The following SIK2 variants were observed in gnomAD, a reference collection of about 807,000 sequenced individuals.
The protein encoded by SIK2 is salt inducible kinase 2, also known as serine/threonine-protein kinase SIK2.
A neutral mutation model predicts 103.2 loss-of-function variants in SIK2; 29 were observed. The observed-to-expected ratio is 0.28, with a 90% CI of 0.21 to 0.38. The LOEUF (loss-of-function observed/expected upper bound fraction) is 0.38, where lower values mean the gene tolerates loss of function less well. Ranked by LOEUF, SIK2 falls within the 10% of genes least tolerant of loss-of-function variation. The probability of loss-of-function intolerance (pLI) is 1.00; values close to 1 mark genes in which losing one functional copy is unlikely to be tolerated. For synonymous variants in SIK2, 412 were observed against 446.1 expected (o/e 0.92, Z 0.96); for missense variants, 879 against 1,171.0 (o/e 0.75, Z 3.64).
intron 3 of SIK2, among the ~76,000 whole-genome samples, chr11:111,620,758 G>T (rs934679005): frequency 6.6e-6 from 1 of 152,006 alleles, no homozygotes; most frequent in Non-Finnish European, 1.5e-5. Flanking sequence ...TATGTCCCAG[G>T]CATTGTACTA....
intron 1 of SIK2, among the ~76,000 whole-genome samples, chr11:111,605,153 G>T (rs1176669631): frequency 6.6e-6 from 1 of 152,030 alleles, no homozygotes; most frequent in Non-Finnish European, 1.5e-5. Context: ...AGTAGAGACG[G>T]GGTTTCACAG....
At chr11:111,627,827 A>G (rs915898911) in intron 3 of SIK2, among the ~76,000 whole-genome samples, 1 of 152,108 alleles carries the variant, frequency 6.6e-6, no homozygotes, top group Non-Finnish European at 1.5e-5. Flanking sequence ...TGGCCAGCAG[A>G]TCATACTCTG....
chr11:111,696,392 A>G (rs1943071094), intron 4 of SIK2, among the ~76,000 whole-genome samples: 1 of 152,174 alleles, frequency 6.6e-6, no homozygotes, highest in African/African-American at 2.4e-5. Context: ...GGTGAAGGGT[A>G]TGGGGAATTC....
chr11:111,633,104 C>T (rs1942060101), intron 3 of SIK2, among the ~76,000 whole-genome samples: 1 of 152,202 alleles, frequency 6.6e-6, no homozygotes, highest in Non-Finnish European at 1.5e-5. Flanking sequence ...ATCTCTGATT[C>T]AAACTCTGTG....
At chr11:111,611,977 A>T (rs1197163734) in intron 1 of SIK2, among the ~76,000 whole-genome samples, 1 of 152,052 alleles carries the variant, frequency 6.6e-6, no homozygotes, top group Non-Finnish European at 1.5e-5. Context: ...ATCCCCAAAT[A>T]CTTTTTTTTT....
chr11:111,720,661 C>A lies in SIK2; in HGVS notation c.1679C>A (p.Pro560Gln). The A allele has an allele frequency of 6.2e-7, 1 of 1,614,084 alleles. No homozygotes were observed. The highest frequency in any genetic ancestry group is 8.5e-7 in the Non-Finnish European group (1 of 1,180,000). ...SPFISLRPTNPAMQALSSQKR... is the reference protein window; with the variant it reads ...SPFISLRPTNQAMQALSSQKR... ...TTCATAAGCCTGAGACCTACCAACC[C>A]AGCCATGCAGGCTCTGAGCTCCCAG... Residue 560 changes from proline to glutamine, a missense_variant, in exon 11 of 15, where the codon CCA becomes CAA. Physicochemically the swap from Pro to Gln is moderately conservative, Grantham distance 76 (BLOSUM62 -1). Coordinates refer to ENST00000304987, the MANE Select transcript of SIK2 (RefSeq NM_015191.3).
chr11:111,724,327 T>A lies in SIK2; in HGVS notation c.*198T>A. 2 of 712,710 alleles carry A rather than the reference T, an allele frequency of 2.8e-6. No homozygotes were observed. The highest frequency in any genetic ancestry group is 4.5e-6 in the Non-Finnish European group (2 of 445,910). 44.1% of individuals were successfully genotyped at this position (712,710 alleles called of 1,614,324 possible). On this transcript the variant is annotated 3_prime_UTR_variant, in exon 15 of 15. Coordinates refer to ENST00000304987, the MANE Select transcript of SIK2 (RefSeq NM_015191.3). ...TTCTGCCCCACCACAAAGTTTTCTGTGGCAAGTGCTGGAACATAGTTGTAG... is the reference window on the plus strand; with the variant it reads ...TTCTGCCCCACCACAAAGTTTTCTGAGGCAAGTGCTGGAACATAGTTGTAG...
intron 4 of SIK2, among the ~76,000 whole-genome samples, chr11:111,694,797 T>C (rs919969110): frequency 6.6e-6 from 1 of 152,184 alleles, no homozygotes; most frequent in Non-Finnish European, 1.5e-5. Flanking sequence ...TTTGGTTTGA[T>C]TTGATTTTTT....
In SIK2 at chr11:111,730,397, A is replaced by G. The variant is rs796633814; in HGVS notation, c.*6268A>G. On this transcript the variant is annotated 3_prime_UTR_variant, in exon 15 of 15. Transcript: ENST00000304987. ...CACCAAAATCTCTGAAGGGGAAAGA[A>G]GTGGAGAGAAAGGTTTGCTTCACTT... The G allele has an allele frequency of 1.3e-5, 2 of 152,230 alleles. No individual in the cohort carries two copies. Among genetic ancestry groups the G allele is most frequent in the African/African-American group, 4.8e-5 (2 of 41,464 alleles). 9.4% of individuals were successfully genotyped at this position (152,230 alleles called of 1,614,324 possible).
At chr11:111,603,578 C>CA (rs936319720) in intron 1 of SIK2, among the ~76,000 whole-genome samples, 9 of 152,172 alleles carry the variant, frequency 5.9e-5, no homozygotes, top group African/African-American at 2.2e-4. Context: ...TACTCTCTCA[C>CA]AAGTCTCTGT....
At chr11:111,657,784 C>T (rs1942411348) in intron 3 of SIK2, among the ~76,000 whole-genome samples, 1 of 152,056 alleles carries the variant, frequency 6.6e-6, no homozygotes, top group Non-Finnish European at 1.5e-5. Flanking sequence ...ACAGCATGAG[C>T]TCCAGAGTAC....
intron 3 of SIK2, among the ~76,000 whole-genome samples, chr11:111,632,126 C>T (rs1942048306): frequency 6.6e-6 from 1 of 151,998 alleles, no homozygotes; most frequent in Admixed American, 6.6e-5. Flanking sequence ...GACATAAGGG[C>T]CTAAGAACTT....
rs778933574 is a variant in SIK2, at chr11:111,719,992, T to C, written c.1484T>C (p.Met495Thr). Residue 495 changes from methionine to threonine, a missense_variant, in exon 10 of 15, where the codon ATG (methionine) becomes ACG (threonine). Around this residue, in one of 7 missense-constraint regions of SIK2, gnomAD observed 222 missense variants for 258.0 expected, o/e 0.86. Coordinates refer to ENST00000304987, the MANE Select transcript of SIK2 (RefSeq NM_015191.3). ...GAAGTGACCAATCAACTGGTCGTGA[T>C]GCCTGGGGCAGGTACGGTAGAGGAG... Reference protein sequence around the residue: ...LSEVTNQLVVMPGAGKIFSMN... With the variant: ...LSEVTNQLVVTPGAGKIFSMN... The C allele has an allele frequency of 1.2e-6, 2 of 1,613,708 alleles. No individual in the cohort carries two copies. Among genetic ancestry groups the C allele is most frequent in the Non-Finnish European group, 1.7e-6 (2 of 1,179,752 alleles).
intron 1 of SIK2, among the ~76,000 whole-genome samples, chr11:111,614,939 G>T (rs1472731280): frequency 6.6e-6 from 1 of 152,124 alleles, no homozygotes; most frequent in East Asian, 1.9e-4. Context: ...AGGAGTTCAA[G>T]ACCAGCCTGG....
At chr11:111,678,481 G>GA (rs1362475248) in intron 3 of SIK2, among the ~76,000 whole-genome samples, 1 of 152,066 alleles carries the variant, frequency 6.6e-6, no homozygotes, top group Non-Finnish European at 1.5e-5. Flanking sequence ...AGATTGACCT[G>GA]AAAAAAAGTC....
intron 3 of SIK2, among the ~76,000 whole-genome samples, chr11:111,647,476 C>T (rs994958712): frequency 5.4e-5 from 8 of 148,214 alleles, no homozygotes; most frequent in South Asian, 2.1e-4. Context: ...ACAAAAAATA[C>T]GCCAGGCATG....
At chr11:111,652,896 A>G (rs891404539) in intron 3 of SIK2, among the ~76,000 whole-genome samples, 16 of 152,220 alleles carry the variant, frequency 1.1e-4, no homozygotes, top group African/African-American at 3.4e-4. Flanking sequence ...CTTGGTTTTA[A>G]AAACCCATGT....
intron 3 of SIK2, among the ~76,000 whole-genome samples, chr11:111,669,319 C>T (rs991626591): frequency 6.6e-6 from 1 of 152,134 alleles, no homozygotes; most frequent in Non-Finnish European, 1.5e-5. Context: ...TAAGACTTGA[C>T]GTCAGAAAAA....
chr11:111,603,885 C>G (rs1941615736), intron 1 of SIK2, among the ~76,000 whole-genome samples: 1 of 152,174 alleles, frequency 6.6e-6, no homozygotes, highest in African/African-American at 2.4e-5. Flanking sequence ...TTCAGAATGA[C>G]TTATGTAAGG....
Sources: gnomAD v4.1 joint callset for allele counts (sites outside exome capture counted in the v4.1 genomes callset) on GRCh38, gnomAD v4.1.1 for gene constraint, gnomAD v4.1.1 regional missense constraint, MANE v1.5 for transcripts, NCBI Gene and HGNC (gene_info 2026-07-23, HGNC 2026-07-21) for gene names.